Variants in UBTD1 observed in about 807,000 individuals in gnomAD.
UBTD1 encodes ubiquitin domain-containing protein 1.
UBTD1 carries 19 observed loss-of-function variants against 21.7 expected under a neutral mutation model. The ratio of observed to expected loss-of-function variants is 0.87; its 90% confidence interval spans 0.61 to 1.28. The LOEUF (loss-of-function observed/expected upper bound fraction) is 1.28. Among genes scored for constraint, UBTD1 ranks in the 50% most tolerant of loss-of-function variants. The probability of loss-of-function intolerance (pLI) is 0.00; values close to 1 mark genes in which losing one functional copy is unlikely to be tolerated. For synonymous variants in UBTD1, 116 were observed against 135.1 expected, an observed-to-expected ratio of 0.86 and a Z score of 0.98; for missense variants, 282 against 315.1, an observed-to-expected ratio of 0.89 and a Z score of 0.80.
At chr10:97,564,021 T>C (rs937372342) in intron 1 of UBTD1, among the ~76,000 whole-genome samples, 4 of 152,020 alleles carry the variant, frequency 2.6e-5, no homozygotes, top group Non-Finnish European at 5.9e-5. Flanking sequence ...GTGAACCCAA[T>C]GGGGAGGGTC....
chr10:97,552,689 C>A (rs538097210), intron 1 of UBTD1, among the ~76,000 whole-genome samples: 1 of 152,146 alleles, frequency 6.6e-6, no homozygotes, highest in Non-Finnish European at 1.5e-5. Flanking sequence ...AGGGGTGAAC[C>A]ACCACACCTG....
intron 1 of UBTD1, among the ~76,000 whole-genome samples, chr10:97,548,368 C>T (rs1375006890): frequency 6.6e-6 from 1 of 152,248 alleles, no homozygotes; most frequent in African/African-American, 2.4e-5. Context: ...AGTGTGTTGA[C>T]TGCAGGAAAG....
chr10:97,551,933 A>G (rs770660321), intron 1 of UBTD1, among the ~76,000 whole-genome samples: 23 of 152,134 alleles, frequency 1.5e-4, no homozygotes, highest in Admixed American at 3.3e-4. Flanking sequence ...TTTAAAGACC[A>G]GGTCTTACTC....
chr10:97,562,740 G>C (rs1051475993), intron 1 of UBTD1, among the ~76,000 whole-genome samples: 3 of 152,144 alleles, frequency 2.0e-5, no homozygotes, highest in African/African-American at 7.2e-5. Context: ...GGCAGGAACT[G>C]GGCTATTTTC....
chr10:97,511,237 T>C (rs1263049401), intron 1 of UBTD1, among the ~76,000 whole-genome samples: 1 of 152,178 alleles, frequency 6.6e-6, no homozygotes, highest in Non-Finnish European at 1.5e-5. Flanking sequence ...AGTAGGTACT[T>C]ACACACATCT....
At position 97,568,032 on chromosome 10, in the gene UBTD1, C is replaced by A. The variant is rs924816435; in HGVS notation, c.189C>A (p.Gly63=). The change falls in exon 2 of 3, where the codon GGC becomes GGA. Residue 63 remains glycine (G), a synonymous_variant. Coordinates refer to ENST00000370664, the MANE Select transcript of UBTD1 (RefSeq NM_024954.5). ...EFWDTAPAFE[G]RKEIWDALKA... ...GGGACACAGCGCCTGCCTTCGAGGG[C>A]CGCAAGGAGATCTGGGATGCCCTCA... is the stretch of plus-strand genomic sequence containing the variant. 1.9e-6 allele frequency: 3 copies of A among 1,613,922 alleles called. No homozygotes were observed. Among genetic ancestry groups the A allele is most frequent in the Non-Finnish European group, 2.5e-6 (3 of 1,180,046 alleles).
At chr10:97,553,227 G>A (rs192370110) in intron 1 of UBTD1, among the ~76,000 whole-genome samples, 3 of 152,304 alleles carry the variant, frequency 2.0e-5, no homozygotes, top group Admixed American at 2.0e-4. Flanking sequence ...CATCTCCCGG[G>A]TTCAGGCAGT....
intron 1 of UBTD1, among the ~76,000 whole-genome samples, chr10:97,551,830 A>G (rs571483552): frequency 1.7e-4 from 26 of 152,312 alleles, no homozygotes; most frequent in African/African-American, 5.5e-4. Flanking sequence ...GAAAACTTGG[A>G]AAATATAAAC....
At chr10:97,557,159 A>C (rs2040668356) in intron 1 of UBTD1, among the ~76,000 whole-genome samples, 1 of 152,162 alleles carries the variant, frequency 6.6e-6, no homozygotes, top group South Asian at 2.1e-4. Context: ...ACTTGTAGAG[A>C]CTGGGCTACA....
rs147265696 is a variant in UBTD1 at position 97,550,734 on chromosome 10, AACAC to A, written c.71-17171_71-17168del. ...CAGTGTGAATTGAGTGGTGGGAGTA[AACAC>A]ACACACACGCATACACACTCACACT... On this transcript the variant is annotated intron_variant, in intron 1 of 2. Coordinates refer to ENST00000370664, the MANE Select transcript of UBTD1 (RefSeq NM_024954.5). 5.9e-5 allele frequency among the ~76,000 whole-genome samples: 9 copies of A among 152,080 alleles called. No homozygotes were observed. The South Asian group carries it at 6.2e-4, about 11-fold the overall frequency.
At position 97,570,114 on chromosome 10, in the gene UBTD1, C is replaced by CT; in HGVS notation, c.299-23dup. 1 of 1,580,078 alleles carries CT rather than the reference C, an allele frequency of 6.3e-7. No individual in the cohort carries two copies. Among genetic ancestry groups the CT allele is most frequent in the Non-Finnish European group, 8.6e-7 (1 of 1,159,046 alleles). On this transcript the variant is annotated intron_variant, in intron 2 of 2. Transcript: ENST00000370664. The surrounding 1 kb of genome is among the most constrained non-coding windows in gnomAD (Gnocchi z 6.6). ...ATGATAGTGGATCCCCAAGCTGACT[C>CT]TGACAGCCCTGCCTCTCCTACAGGC... is the stretch of plus-strand genomic sequence containing the variant.
chr10:97,570,186 C>G lies in UBTD1; in HGVS notation c.347C>G (p.Pro116Arg). 2 of 1,612,926 alleles carry G rather than the reference C, an allele frequency of 1.2e-6. No homozygotes were observed. Among genetic ancestry groups the G allele is most frequent in the Non-Finnish European group, 1.7e-6 (2 of 1,179,768 alleles). ...GAGCTGGGCAATCGCTACCAGCTGC[C>G]CATCTACTGCCTGTCACCGCCGGTG... is the stretch of plus-strand genomic sequence containing the variant. ...YDELGNRYQL[P>R]IYCLSPPVNL... is the part of the protein sequence containing the mutation. Residue 116 changes from proline (P) to arginine (R), a missense_variant, in exon 3 of 3, where the codon CCC becomes CGC. Coordinates refer to ENST00000370664, the MANE Select transcript of UBTD1 (RefSeq NM_024954.5). The surrounding 1 kb of genome is among the most constrained non-coding windows in gnomAD (Gnocchi z 6.6).
intron 1 of UBTD1, among the ~76,000 whole-genome samples, chr10:97,531,254 A>C (rs2040530566): frequency 6.9e-6 from 1 of 145,268 alleles, no homozygotes; most frequent in Non-Finnish European, 1.5e-5. Flanking sequence ...GCCGTCACCC[A>C]GTCTGGAGTG....
intron 1 of UBTD1, among the ~76,000 whole-genome samples, chr10:97,504,322 C>G (rs200992657): frequency 6.6e-6 from 1 of 151,840 alleles, no homozygotes; most frequent in Non-Finnish European, 1.5e-5. Flanking sequence ...TTGCTCAAGC[C>G]TCCTGTGACA....
At chr10:97,508,084 G>C (rs2040406826) in intron 1 of UBTD1, among the ~76,000 whole-genome samples, 2 of 152,174 alleles carry the variant, frequency 1.3e-5, no homozygotes, top group African/African-American at 2.4e-5. Context: ...GGAGCATCAC[G>C]TGCAGTATTT....
intron 1 of UBTD1, among the ~76,000 whole-genome samples, chr10:97,541,562 C>T (rs1348183038): frequency 1.3e-5 from 2 of 152,134 alleles, no homozygotes; most frequent in African/African-American, 2.4e-5. Context: ...CAAGCTCCTA[C>T]TGTGTGCTCC....
At position 97,527,401 on chromosome 10, in the gene UBTD1, A is replaced by G. The variant is rs560215901; in HGVS notation, c.70+28128A>G. Among the ~76,000 whole-genome samples, 5 of 151,858 alleles carry G rather than the reference A, an allele frequency of 3.3e-5. No individual in the cohort carries two copies. In the South Asian group the frequency reaches 1.0e-3, roughly 31 times the overall value. On this transcript the variant is annotated intron_variant, in intron 1 of 2. Transcript: ENST00000370664. The stretch of plus-strand genomic sequence containing the variant: ...CCCATCCCTTAGGGCATAATGTCCA[A>G]GTTGTGTCACTGGCCCAGAGGCCCT...
intron 1 of UBTD1, among the ~76,000 whole-genome samples, chr10:97,555,746 A>T (rs1162173204): frequency 6.6e-6 from 1 of 152,180 alleles, no homozygotes; most frequent in South Asian, 2.1e-4. Flanking sequence ...CAATGTCTGG[A>T]ATCTATGAAT....
At chr10:97,519,570 G>A (rs2040458479) in intron 1 of UBTD1, among the ~76,000 whole-genome samples, 1 of 152,238 alleles carries the variant, frequency 6.6e-6, no homozygotes, top group African/African-American at 2.4e-5. Context: ...TGGGGAGAGA[G>A]AGGGAGAATG....
Sources: allele counts gnomAD v4.1 joint callset (sites outside exome capture counted in the v4.1 genomes callset), GRCh38; gene constraint gnomAD v4.1.1; non-coding constraint Gnocchi (gnomAD v3.1); transcripts MANE v1.5; gene names NCBI Gene and HGNC (gene_info 2026-07-23, HGNC 2026-07-21).